The following ACRV1 variants were observed in gnomAD, a reference collection of about 807,000 sequenced individuals.
The protein encoded by ACRV1 is acrosomal protein SP-10.
In ACRV1, 17 loss-of-function variants were observed where a neutral mutation model predicts 29.2. The observed-to-expected ratio is 0.58, with a 90% CI of 0.40 to 0.87. The LOEUF is 0.87. ACRV1 is among the 40% of genes least tolerant of loss of function. The pLI, the probability that ACRV1 is intolerant of heterozygous loss-of-function variation, is 0.00. For missense variants in ACRV1, 294 were observed against 316.0 expected, an observed-to-expected ratio of 0.93 and a Z score of 0.53; for synonymous variants, 98 against 111.6, an observed-to-expected ratio of 0.88 and a Z score of 0.77.
chr11:125,678,997 T>TATATATATATATATATAG (rs1446760515), intron 1 of ACRV1, among the ~76,000 whole-genome samples: 4 of 142,290 alleles, frequency 2.8e-5, no homozygotes, highest in African/African-American at 1.0e-4. Context: ...TATATATATA[T>TATATATATATATATATAG]AGACACACAC....
At position 125,671,675 on chromosome 11, in the gene ACRV1, T is replaced by C. The variant is rs922634321; in HGVS notation, c.*918A>G. 4 of 152,240 alleles carry C rather than the reference T, an allele frequency of 2.6e-5. No homozygotes were observed. The highest frequency in any genetic ancestry group is 9.6e-5 in the African/African-American group (4 of 41,458). The allele number at this position is 152,240 out of a possible 1,614,324, so 9.4% of individuals were successfully genotyped here. A position where few individuals can be genotyped will look rare whatever the true frequency, so the allele number is the denominator to read the frequency against. On this transcript the variant is annotated 3_prime_UTR_variant, in exon 4 of 4. Coordinates refer to ENST00000533904, the MANE Select transcript of ACRV1 (RefSeq NM_001612.6). ...ATCTTGCAGATTTGGTTGTGGAATC[T>C]GCCTATAGCTCTCTGTAGCTCTGTA...
At chr11:125,678,324 G>C (rs759471534) in intron 1 of ACRV1, 27 bp from the exon 2 acceptor site, 1 of 1,606,570 alleles carries the variant, frequency 6.2e-7, no homozygotes, top group Non-Finnish European at 8.5e-7. Flanking sequence ...ACAGAAGAGA[G>C]TTGGTGAAGC....
chr11:125,676,295 C>T (rs144174102), intron 3 of ACRV1, 64 bp downstream of exon 3: 78 of 1,586,388 alleles, frequency 4.9e-5, no homozygotes, highest in Non-Finnish European at 6.5e-5. Context: ...ATTCCAACTG[C>T]CCCCTACCAG....
intron 3 of ACRV1, among the ~76,000 whole-genome samples, chr11:125,675,641 AAC>A (rs1201781604): frequency 2.0e-5 from 3 of 152,208 alleles, no homozygotes; most frequent in Non-Finnish European, 2.9e-5. Flanking sequence ...GTAACCTGTG[AAC>A]ACAGACTTGT....
At chr11:125,677,753 C>T (rs1239086989) in intron 2 of ACRV1, 44 bp downstream of exon 2, 1 of 1,604,238 alleles carries the variant, frequency 6.2e-7, no homozygotes, top group Non-Finnish European at 8.5e-7. Flanking sequence ...TTCCCCATTT[C>T]CCACCTGAAG....
In ACRV1 at chr11:125,672,614, T is replaced by C. The variant is rs774089288; in HGVS notation, c.777A>G (p.Gln259=). The C allele has an allele frequency of 6.2e-7, 1 of 1,614,118 alleles. No homozygotes were observed. The highest frequency in any genetic ancestry group is 8.5e-7 in the Non-Finnish European group (1 of 1,180,010). ...TRMQIICCRN[Q]SFCNKI ...GCTTCTAGATCTTATTGCAGAAAGATTGATTTCGACAGCATATAATTTGCA... is the reference window on the plus strand; with the variant it reads ...GCTTCTAGATCTTATTGCAGAAAGACTGATTTCGACAGCATATAATTTGCA... The change falls in exon 4 of 4, where the codon CAA becomes CAG. Residue 259 remains glutamine, a synonymous_variant. Transcript: ENST00000533904.
rs71045115 is a variant in ACRV1 at position 125,679,216 on chromosome 11, C to CTTTTTTTTTTTTTTTT, written c.53-920_53-919insAAAAAAAAAAAAAAAA. 4.6e-3 allele frequency among the ~76,000 whole-genome samples: 551 copies of CTTTTTTTTTTTTTTTT among 120,830 alleles called. 10 individuals carry two copies. The highest frequency in any genetic ancestry group is 8.2e-3 in the African/African-American group (259 of 31,524). The allele number at this position is 120,830 out of a possible 152,430, so 79.3% of individuals were successfully genotyped here. A position where few individuals can be genotyped will look rare whatever the true frequency, so the allele number is the denominator to read the frequency against. On this transcript the variant is annotated intron_variant, in intron 1 of 3. Coordinates refer to ENST00000533904, the MANE Select transcript of ACRV1 (RefSeq NM_001612.6). Reference sequence around the variant, plus strand: ...TCTTCTACCTTTAATCCGTCTCTTTCTTTTTTTTTTTTTGTTTCAAAGATA... The same window carrying CTTTTTTTTTTTTTTTT: ...TCTTCTACCTTTAATCCGTCTCTTTCTTTTTTTTTTTTTTTTTTTTTTTTTTTTTGTTTCAAAGATA...
Position 125,677,974 on chromosome 11 carries a change from C to T in ACRV1, c.376G>A (p.Gly126Arg), listed in dbSNP as rs34788353. 103,802 of 1,614,024 alleles carry T rather than the reference C, an allele frequency of 0.064. 3,776 individuals are homozygous for T. Among genetic ancestry groups the T allele is most frequent in the African/African-American group, 0.12 (9,141 of 74,980 alleles). ...TCAAGCTCACTCAAAGGCTGTTCTC[C>T]GGAGAGGTGTTCACCTGAAGGCTGT... is the stretch of plus-strand genomic sequence containing the variant. ...GEQPSGEHLSGEQPLSELESG... is the reference protein window; with the variant it reads ...GEQPSGEHLSREQPLSELESG... The change falls in exon 2 of 4, where the codon GGA (glycine) becomes AGA (arginine). Residue 126 changes from glycine to arginine, a missense_variant. By Grantham distance (125) the Gly-to-Arg change is moderately radical (BLOSUM62 -2). Coordinates refer to ENST00000533904, the MANE Select transcript of ACRV1 (RefSeq NM_001612.6).
rs71045115 is a variant in ACRV1, at chr11:125,679,216, C to CTTT, written c.53-922_53-920dup. 4.8e-4 allele frequency among the ~76,000 whole-genome samples: 58 copies of CTTT among 121,044 alleles called. 3 individuals are homozygous for CTTT. Among genetic ancestry groups the CTTT allele is most frequent in the African/African-American group, 1.4e-3 (45 of 31,640 alleles). The allele number at this position is 121,044 out of a possible 152,430, so 79.4% of individuals were successfully genotyped here. A position where few individuals can be genotyped will look rare whatever the true frequency, so the allele number is the denominator to read the frequency against. Reference sequence around the variant, plus strand: ...TCTTCTACCTTTAATCCGTCTCTTTCTTTTTTTTTTTTTGTTTCAAAGATA... The same window carrying CTTT: ...TCTTCTACCTTTAATCCGTCTCTTTCTTTTTTTTTTTTTTTTGTTTCAAAGATA... On this transcript the variant is annotated intron_variant, in intron 1 of 3. Transcript: ENST00000533904.
intron 3 of ACRV1, among the ~76,000 whole-genome samples, chr11:125,673,729 T>G (rs1462951168): frequency 6.6e-6 from 1 of 152,226 alleles, no homozygotes; most frequent in Non-Finnish European, 1.5e-5. Context: ...TGAGTTTCCT[T>G]TATATACTTC....
rs1942594527 is a variant in ACRV1 at position 125,677,885 on chromosome 11, A to G, written c.465T>C (p.Ser155=). The G allele has an allele frequency of 2.5e-6, 4 of 1,613,728 alleles. No individual in the cohort carries two copies. Among genetic ancestry groups the G allele is most frequent in the Non-Finnish European group, 3.4e-6 (4 of 1,179,914 alleles). Residue 155 remains serine, a synonymous_variant, in exon 2 of 4, where the codon TCT becomes TCC. Transcript: ENST00000533904. ...GCTGTTCACCCGAGGCCTGCTCACC[A>G]GAAGGCTGTTCACCGGAGCCATGTT... ...SGEHGSGEQP[S]GEQASGEQPS...
intron 3 of ACRV1, among the ~76,000 whole-genome samples, chr11:125,673,565 C>T (rs556174451): frequency 6.6e-6 from 1 of 152,196 alleles, no homozygotes; most frequent in African/African-American, 2.4e-5. Flanking sequence ...CTCATCTACT[C>T]CTCTGGATCC....
At position 125,678,123 on chromosome 11, in the gene ACRV1, C is replaced by T. The variant is rs563766249; in HGVS notation, c.227G>A (p.Ser76Asn). 1.2e-6 allele frequency: 2 copies of T among 1,614,184 alleles called. No individual in the cohort carries two copies. Among genetic ancestry groups the T allele is most frequent in the Non-Finnish European group, 1.7e-6 (2 of 1,180,032 alleles). The change falls in exon 2 of 4, where the codon AGC becomes AAC. Residue 76 changes from serine (S) to asparagine (N), a missense_variant. Physicochemically the swap from Ser to Asn is conservative, Grantham distance 46. Transcript: ENST00000533904. ...SEHGSSEHGS[S>N]KHTVAEHTSG... ...AGTGTGCTCGGCCACAGTGTGCTTG[C>T]TTGAACCATGCTCACTGGAACCATG...
rs757305336 is a variant in ACRV1 at position 125,677,804 on chromosome 11, T to A, written c.546A>T (p.Thr182=). 6.2e-7 allele frequency: 1 copy of A among 1,614,138 alleles called. No homozygotes were observed. Among genetic ancestry groups the A allele is most frequent in the Non-Finnish European group, 8.5e-7 (1 of 1,180,000 alleles). Residue 182 remains threonine (T), a synonymous_variant, in exon 2 of 4, where the codon ACA becomes ACT. Coordinates refer to ENST00000533904, the MANE Select transcript of ACRV1 (RefSeq NM_001612.6). ...EQASGAPISS[T]STGTILNCYT... ...CATCCAAACATGGCTCACCTGTAGA[T>A]GTGCTTGAAATTGGTGCACCTGAAG...
rs958782834 is a variant in ACRV1 at position 125,673,069 on chromosome 11, GT to G, written c.674-353del. Among the ~76,000 whole-genome samples the G allele has an allele frequency of 7.7e-4, 117 of 152,108 alleles. 1 individual carries two copies. Among genetic ancestry groups the G allele is most frequent in the African/African-American group, 2.6e-3 (107 of 41,472 alleles). ...ATCCTCCTCACCTTGGCCCCTCACA[GT>G]TTGAATCATGACCCTACTATGCCGA... On this transcript the variant is annotated intron_variant, in intron 3 of 3. Coordinates refer to ENST00000533904, the MANE Select transcript of ACRV1 (RefSeq NM_001612.6).
rs377073120 is a variant in ACRV1, at chr11:125,676,418, C to G, written c.614G>C (p.Gly205Ala). ...YMNDQGKCLR[G>A]EGTCITQNSQ... ...ATTCTGAGTGATGCAGGTTCCCTCT[C>G]CACGAAGACATTTTCCTTGATCATT... is the stretch of plus-strand genomic sequence containing the variant. The change falls in exon 3 of 4, where the codon GGA becomes GCA. Residue 205 changes from glycine (G) to alanine (A), a missense_variant. By Grantham distance (60) the Gly-to-Ala change is moderately conservative (BLOSUM62 0). Coordinates refer to ENST00000533904, the MANE Select transcript of ACRV1 (RefSeq NM_001612.6). 7 of 1,613,974 alleles carry G rather than the reference C, an allele frequency of 4.3e-6. No individual in the cohort carries two copies. The African/African-American group carries it at 8.0e-5, about 18-fold the overall frequency.
rs12576659 is a variant in ACRV1 at position 125,677,714 on chromosome 11, C to T, written c.553+83G>A. The T allele has an allele frequency of 1.0e-5, 16 of 1,557,006 alleles. No individual in the cohort carries two copies. The East Asian group carries it at 3.4e-4, about 33-fold the overall frequency. ...GTTAACAATTCTTTCTTCTGCACTC[C>T]TTCCCTAAAATTGGGTTTTCTTGAT... On this transcript the variant is annotated intron_variant, in intron 2 of 3. Transcript: ENST00000533904.
At position 125,677,846 on chromosome 11, in the gene ACRV1, G is replaced by GT. The variant is rs770627715; in HGVS notation, c.503dup (p.His168GlnfsTer31). On this transcript the variant is annotated frameshift_variant, in exon 2 of 4. Transcript: ENST00000533904. LOFTEE classifies it high-confidence loss of function. ...CACCTGAAGCCTGTTCCCCTGAAGC[G>GT]TGCTCACCTGAAGGCTGTTCACCCG... 1.1e-5 allele frequency: 18 copies of GT among 1,613,864 alleles called. No individual in the cohort carries two copies. The highest frequency in any genetic ancestry group is 1.4e-5 in the Non-Finnish European group (17 of 1,180,002).
In ACRV1 at chr11:125,672,339, T is replaced by A. The variant is rs1199923054; in HGVS notation, c.*254A>T. 1 of 437,564 alleles carries A rather than the reference T, an allele frequency of 2.3e-6. No individual in the cohort carries two copies. Among genetic ancestry groups the A allele is most frequent in the Non-Finnish European group, 4.1e-6 (1 of 245,852 alleles). 27.1% of individuals were successfully genotyped at this position (437,564 alleles called of 1,614,324 possible). ...AGGTCTGTCTTGAGCCTGTGTGCTTTAACCATGTGAAATTTATTGAAAAAA... is the reference window on the plus strand; with the variant it reads ...AGGTCTGTCTTGAGCCTGTGTGCTTAAACCATGTGAAATTTATTGAAAAAA... On this transcript the variant is annotated 3_prime_UTR_variant, in exon 4 of 4. Transcript: ENST00000533904.
Sources: gnomAD v4.1 joint callset for allele counts (sites outside exome capture counted in the v4.1 genomes callset) on GRCh38, gnomAD v4.1.1 for gene constraint, MANE v1.5 for transcripts, NCBI Gene and HGNC (gene_info 2026-07-23, HGNC 2026-07-21) for gene names.